ADGRL2: variants seen among roughly 807,000 people sequenced by gnomAD.
The protein encoded by ADGRL2 is calcium-independent alpha-latrotoxin receptor 2.
In ADGRL2, 44 loss-of-function variants were observed where a neutral mutation model predicts 157.4. The ratio of observed to expected loss-of-function variants is 0.28; its 90% CI spans 0.22 to 0.36. The LOEUF is 0.36. ADGRL2 is among the 10% of genes least tolerant of loss of function. The pLI, the probability that ADGRL2 is intolerant of heterozygous loss-of-function variation, is 1.00. For missense variants in ADGRL2, 1,510 were observed against 1,768.9 expected, an observed-to-expected ratio of 0.85 and a Z score of 2.63; for synonymous variants, 585 against 624.7, an observed-to-expected ratio of 0.94 and a Z score of 0.95.
At chr1:81,506,062 T>C (rs2078969552) in intron 2 of ADGRL2, 1 of 167,818 alleles carries the variant, frequency 6.0e-6, no homozygotes, top group African/African-American at 2.4e-5. Context: ...GAGAACAAAA[T>C]GGGCAGAGCA....
intron 1 of ADGRL2, among the ~76,000 whole-genome samples, chr1:81,711,228 C>T (rs2083916531): frequency 6.6e-6 from 1 of 152,220 alleles, no homozygotes; most frequent in Non-Finnish European, 1.5e-5. Context: ...GCAATAAGTA[C>T]TGTTGATTGT....
At chr1:81,463,420 A>G in intron 2 of ADGRL2, among the ~76,000 whole-genome samples, 1 of 152,108 alleles carries the variant, frequency 6.6e-6, no homozygotes, top group East Asian at 1.9e-4. Context: ...CCTCCTTGCT[A>G]AAATTATTTT....
chr1:81,427,477 G>A (rs2077240012), intron 1 of ADGRL2: 5 of 754,046 alleles, frequency 6.6e-6, no homozygotes, highest in Non-Finnish European at 1.2e-5. Flanking sequence ...TAATGATTTT[G>A]GAAATTATAG....
chr1:81,538,148 G>C lies in ADGRL2; in HGVS notation c.-247-42728G>C, dbSNP rs2079791265. 1.3e-5 allele frequency among the ~76,000 whole-genome samples: 2 copies of C among 152,082 alleles called. 1 individual carries two copies. Among genetic ancestry groups the C allele is most frequent in the African/African-American group, 4.8e-5 (2 of 41,388 alleles). On this transcript the variant is annotated intron_variant, in intron 2 of 24. Transcript: ENST00000370721. ...ACAAGAAGTTCTGGGGCTTTTACTAGGTTTTATTTATATTTTGCTCTTCCC... is the reference window on the plus strand; with the variant it reads ...ACAAGAAGTTCTGGGGCTTTTACTACGTTTTATTTATATTTTGCTCTTCCC...
chr1:81,345,483 C>G (rs967926479), intron 1 of ADGRL2, among the ~76,000 whole-genome samples: 1 of 152,078 alleles, frequency 6.6e-6, no homozygotes, highest in Non-Finnish European at 1.5e-5. Flanking sequence ...AAAATCAATC[C>G]CTTCCTCAAA....
rs558604207 is a variant in ADGRL2, at chr1:81,429,172, G to A, written c.-301-15864G>A. Among the ~76,000 whole-genome samples the A allele has an allele frequency of 6.0e-5, 9 of 151,222 alleles. No individual in the cohort carries two copies. The South Asian group carries it at 1.9e-3, about 32-fold the overall frequency. On this transcript the variant is annotated intron_variant, in intron 1 of 24. Coordinates refer to the ADGRL2 transcript ENST00000370721. Reference sequence around the variant, plus strand: ...TTTTTACAATGACCCACTCTTGTTAGTAGTAAGATTTGTTTGTGAACTTGA... The same window carrying A: ...TTTTTACAATGACCCACTCTTGTTAATAGTAAGATTTGTTTGTGAACTTGA...
intron 3 of ADGRL2, among the ~76,000 whole-genome samples, chr1:81,628,393 T>G (rs1008438587): frequency 2.0e-5 from 3 of 152,162 alleles, no homozygotes; most frequent in African/African-American, 4.8e-5. Context: ...TTTCTTATGG[T>G]CCTGTGGCAT....
intron 14 of ADGRL2, among the ~76,000 whole-genome samples, chr1:81,968,566 T>A (rs1436617978): frequency 6.6e-6 from 1 of 152,202 alleles, no homozygotes; most frequent in African/African-American, 2.4e-5. Context: ...CAACTTTCCC[T>A]TTAAGTTTCC....
intron 1 of ADGRL2, among the ~76,000 whole-genome samples, chr1:81,823,030 A>G (rs1431635425): frequency 6.6e-6 from 1 of 152,062 alleles, no homozygotes; most frequent in African/African-American, 2.4e-5. Flanking sequence ...TTATAGATTG[A>G]CACTCTTTAA....
intron 3 of ADGRL2, among the ~76,000 whole-genome samples, chr1:81,589,150 T>C (rs892737729): frequency 7.9e-5 from 12 of 152,182 alleles, no homozygotes; most frequent in Non-Finnish European, 1.6e-4. Flanking sequence ...ATGCCATCTC[T>C]AAGCTGGTGC....
At chr1:81,342,204 G>C (rs1662122742) in intron 1 of ADGRL2, among the ~76,000 whole-genome samples, 1 of 151,770 alleles carries the variant, frequency 6.6e-6, no homozygotes, top group Admixed American at 6.6e-5. Flanking sequence ...ATTTCCCCTT[G>C]GTAAGATTAT....
chr1:81,560,067 A>G (rs1260515437), intron 2 of ADGRL2, among the ~76,000 whole-genome samples: 1 of 152,180 alleles, frequency 6.6e-6, no homozygotes, highest in African/African-American at 2.4e-5. Flanking sequence ...TTTAATCCAG[A>G]CAAAGATACC....
intron 2 of ADGRL2, among the ~76,000 whole-genome samples, chr1:81,884,035 A>G (rs2094060399): frequency 6.6e-6 from 1 of 150,740 alleles, no homozygotes; most frequent in Non-Finnish European, 1.5e-5. Context: ...TTTGTCACCC[A>G]GTCTAGAGTG....
intron 1 of ADGRL2, among the ~76,000 whole-genome samples, chr1:81,718,607 T>C (rs1390004554): frequency 6.6e-6 from 1 of 152,212 alleles, no homozygotes; most frequent in Non-Finnish European, 1.5e-5. Context: ...TTTTGTATCC[T>C]TTTCATTATC....
chr1:81,716,111 T>A (rs2149100402), intron 1 of ADGRL2, among the ~76,000 whole-genome samples: 1 of 152,330 alleles, frequency 6.6e-6, no homozygotes, highest in East Asian at 1.9e-4. Context: ...ACTAATGACC[T>A]TCACTTGGTC....
chr1:81,387,202 T>C (rs1369673447), intron 1 of ADGRL2, among the ~76,000 whole-genome samples: 1 of 152,170 alleles, frequency 6.6e-6, no homozygotes, highest in African/African-American at 2.4e-5. Flanking sequence ...CTTGGACTTG[T>C]AAAACAAAAT....
intron 1 of ADGRL2, among the ~76,000 whole-genome samples, chr1:81,359,227 G>A (rs1265564486): frequency 2.6e-5 from 4 of 152,052 alleles, no homozygotes; most frequent in African/African-American, 9.7e-5. Flanking sequence ...AAATGACTGT[G>A]TTAGCCTAAT....
At chr1:81,670,841 T>C (rs1324209861) in intron 3 of ADGRL2, among the ~76,000 whole-genome samples, 1 of 152,076 alleles carries the variant, frequency 6.6e-6, no homozygotes, top group Non-Finnish European at 1.5e-5. Flanking sequence ...CAGCCTGTAG[T>C]TAGGACTACA....
chr1:81,632,507 CCAG>C (rs927708798), intron 3 of ADGRL2, among the ~76,000 whole-genome samples: 1 of 152,030 alleles, frequency 6.6e-6, no homozygotes, highest in African/African-American at 2.4e-5. Flanking sequence ...GCCTGTAATC[CCAG>C]CACTTTGGGA....
Sources: gnomAD v4.1 joint callset for allele counts (sites outside exome capture counted in the v4.1 genomes callset) on GRCh38, gnomAD v4.1.1 for gene constraint, MANE v1.5 for transcripts, NCBI Gene and HGNC (gene_info 2026-07-23, HGNC 2026-07-21) for gene names.